The following NECTIN1 variants were observed in gnomAD, a reference collection of about 807,000 sequenced individuals.
The protein encoded by NECTIN1 is nectin cell adhesion molecule 1.
A neutral mutation model predicts 48.0 loss-of-function variants in NECTIN1; 23 were observed. That is an observed-to-expected ratio of 0.48 (90% CI 0.34 to 0.68). The LOEUF (loss-of-function observed/expected upper bound fraction) is 0.68, where lower values mean the gene tolerates loss of function less well. Among genes scored for constraint, NECTIN1 ranks in the 30% least tolerant of loss-of-function variants. The pLI, the probability that NECTIN1 is intolerant of heterozygous loss-of-function variation, is 0.01. For missense variants in NECTIN1, 591 were observed against 709.9 expected (o/e 0.83, Z 1.90); for synonymous variants, 270 against 288.9 (o/e 0.93, Z 0.66).
At chr11:119,694,536 C>G (rs939149747) in intron 1 of NECTIN1, among the ~76,000 whole-genome samples, 7 of 152,208 alleles carry the variant, frequency 4.6e-5, no homozygotes, top group Non-Finnish European at 7.3e-5. Context: ...CTCACTACCT[C>G]TCATTGCAGA....
At chr11:119,645,147 T>C (rs1864379568) in intron 5 of NECTIN1, among the ~76,000 whole-genome samples, 2 of 151,968 alleles carry the variant, frequency 1.3e-5, no homozygotes, top group African/African-American at 4.8e-5. Context: ...GCAGGCTGGG[T>C]GTTTGGACTT....
At chr11:119,717,421 C>T (rs1481493305) in intron 1 of NECTIN1, among the ~76,000 whole-genome samples, 1 of 152,148 alleles carries the variant, frequency 6.6e-6, no homozygotes, top group Non-Finnish European at 1.5e-5. Flanking sequence ...AGGAGGGTGC[C>T]TCAACGGCAG....
intron 1 of NECTIN1, among the ~76,000 whole-genome samples, chr11:119,710,201 A>C (rs368981018): frequency 4.9e-4 from 75 of 152,254 alleles, no homozygotes; most frequent in African/African-American, 1.8e-3. Flanking sequence ...GCACCCAAGC[A>C]CACATGTGCA....
intron 1 of NECTIN1, among the ~76,000 whole-genome samples, chr11:119,687,834 G>A (rs565673597): frequency 2.0e-5 from 3 of 152,222 alleles, no homozygotes; most frequent in African/African-American, 4.8e-5. Flanking sequence ...CCACCCCAGC[G>A]CCCAACCCTC....
At position 119,663,511 on chromosome 11, in the gene NECTIN1, C is replaced by G; in HGVS notation, c.*1236G>C. 5 of 985,514 alleles carry G rather than the reference C, an allele frequency of 5.1e-6. No individual in the cohort carries two copies. Among genetic ancestry groups the G allele is most frequent in the Non-Finnish European group, 6.0e-6 (5 of 829,992 alleles). 61.0% of individuals were successfully genotyped at this position (985,514 alleles called of 1,614,324 possible). A position where few individuals can be genotyped will look rare whatever the true frequency, so the allele number is the denominator to read the frequency against. On this transcript the variant is annotated 3_prime_UTR_variant, in exon 6 of 6. Transcript: ENST00000264025. ...CACCCCCCTCACTTTCTGCCAGGCC[C>G]GAGGCTTTGACAATGGCCTTTGTGT...
intron 5 of NECTIN1, among the ~76,000 whole-genome samples, chr11:119,667,173 G>A (rs910317085): frequency 5.3e-5 from 8 of 152,072 alleles, no homozygotes; most frequent in Admixed American, 2.6e-4. Context: ...TCTGTTTACC[G>A]CCCTCAAAAG....
chr11:119,677,970 C>G lies in NECTIN1; in HGVS notation c.431-113G>C. ...TTGTCTTCAGGTCCCCTTGGCCATC[C>G]CTGCCTCTCAGCTGTGCTGCACCAA... On this transcript the variant is annotated intron_variant, in intron 2 of 5. Coordinates refer to ENST00000264025, the MANE Select transcript of NECTIN1 (RefSeq NM_002855.5). The surrounding 1 kb of genome is among the most constrained non-coding windows in gnomAD (Gnocchi z 5.4). 9.4e-7 allele frequency: 1 copy of G among 1,065,204 alleles called. No homozygotes were observed. Among genetic ancestry groups the G allele is most frequent in the Non-Finnish European group, 1.4e-6 (1 of 709,364 alleles). The allele number at this position is 1,065,204 out of a possible 1,614,324, so 66.0% of individuals were successfully genotyped here.
rs538088710 is a variant in NECTIN1, at chr11:119,675,596, A to G, written c.852-286T>C. The G allele has an allele frequency of 7.2e-4, 265 of 367,108 alleles. 5 individuals are homozygous for G. The South Asian group carries it at 7.6e-3, about 11-fold the overall frequency. 22.7% of individuals were successfully genotyped at this position (367,108 alleles called of 1,614,324 possible). On this transcript the variant is annotated intron_variant, in intron 4 of 5. Transcript: ENST00000264025. ...GGTTCAAGGCCAGGGAACCACAGCT[A>G]GCAGGCAGCAGCATGGGAGCTCCAG... is the stretch of plus-strand genomic sequence containing the variant.
At chr11:119,670,593 C>G (rs1183481701) in intron 5 of NECTIN1, among the ~76,000 whole-genome samples, 1 of 149,908 alleles carries the variant, frequency 6.7e-6, no homozygotes, top group Non-Finnish European at 1.5e-5. Flanking sequence ...CCAGATGACA[C>G]TAGGCTTTTT....
chr11:119,680,826 G>A (rs934895356), intron 1 of NECTIN1, among the ~76,000 whole-genome samples: 3 of 152,358 alleles, frequency 2.0e-5, no homozygotes, highest in Admixed American at 2.0e-4. Flanking sequence ...AGCCTGTGGG[G>A]TGCTTCGGAG....
chr11:119,674,645 A>C, intron 5 of NECTIN1: 1 of 1,614,208 alleles, frequency 6.2e-7, no homozygotes. Context: ...AGTTGACAGA[A>C]AGCTGCAGGG....
chr11:119,685,350 G>C (rs569448306), intron 1 of NECTIN1, among the ~76,000 whole-genome samples: 1 of 152,242 alleles, frequency 6.6e-6, no homozygotes, highest in Admixed American at 6.5e-5. Flanking sequence ...CCTTGGGCGG[G>C]TGAGCACAGT....
chr11:119,720,622 C>T (rs549087249), intron 1 of NECTIN1, among the ~76,000 whole-genome samples: 2 of 152,370 alleles, frequency 1.3e-5, no homozygotes, highest in East Asian at 1.9e-4. Context: ...GACACGCTTG[C>T]CTTGGCTCCT....
intron 4 of NECTIN1, among the ~76,000 whole-genome samples, chr11:119,676,294 C>T (rs936724206): frequency 6.6e-5 from 10 of 152,218 alleles, no homozygotes; most frequent in Admixed American, 5.9e-4. Flanking sequence ...CTCCTGGGTC[C>T]ACAGAGCTGA....
intron 5 of NECTIN1, among the ~76,000 whole-genome samples, chr11:119,647,096 C>A (rs557586510): frequency 2.6e-5 from 4 of 151,724 alleles, no homozygotes; most frequent in Middle Eastern, 3.4e-3. Flanking sequence ...CATCCATGGG[C>A]CACACACCCC....
chr11:119,665,031 C>T lies in NECTIN1; in HGVS notation c.1270G>A (p.Asp424Asn), dbSNP rs766347296. 12 of 1,613,752 alleles carry T rather than the reference C, an allele frequency of 7.4e-6. No homozygotes were observed. In the Admixed American group the frequency reaches 8.3e-5, roughly 11 times the overall value. The change falls in exon 6 of 6, where the codon GAC becomes AAC. Residue 424 changes from aspartate (D) to asparagine (N), a missense_variant. By Grantham distance (23) the Asp-to-Asn change is conservative (BLOSUM62 1). Coordinates refer to ENST00000264025, the MANE Select transcript of NECTIN1 (RefSeq NM_002855.5). The surrounding 1 kb of genome is among the most constrained non-coding windows in gnomAD (Gnocchi z 5.1). ...QNLQYPDDSD[D>N]EKKAGPLGGS... ...CCCAGTGGGCCGGCCTTCTTCTCGTCGTCTGAGTCGTCGGGGTACTGCAGG... is the reference window on the plus strand; with the variant it reads ...CCCAGTGGGCCGGCCTTCTTCTCGTTGTCTGAGTCGTCGGGGTACTGCAGG...
downstream of NECTIN1, chr11:119,656,347 CG>C (rs1565379504): frequency 6.6e-6 from 1 of 152,148 alleles, no homozygotes; most frequent in African/African-American, 2.4e-5. Context: ...AAAATTGCAA[CG>C]ATACAGAGAC....
intron 1 of NECTIN1, chr11:119,713,996 C>G: frequency 2.6e-6 from 1 of 386,564 alleles, no homozygotes; most frequent in Non-Finnish European, 5.2e-6. Context: ...CCTGAGTGGC[C>G]CCCCCCTTGG....
chr11:119,700,477 C>T (rs899393001), intron 1 of NECTIN1, among the ~76,000 whole-genome samples: 5 of 152,198 alleles, frequency 3.3e-5, no homozygotes, highest in South Asian at 2.1e-4. Flanking sequence ...GAAGGCTGCT[C>T]GGTTGATCCT....
Sources: gnomAD v4.1 joint callset for allele counts (sites outside exome capture counted in the v4.1 genomes callset) on GRCh38, gnomAD v4.1.1 for gene constraint, Gnocchi (gnomAD v3.1) non-coding constraint, MANE v1.5 for transcripts, NCBI Gene and HGNC (gene_info 2026-07-23, HGNC 2026-07-21) for gene names.